MTRF1: variants seen among roughly 807,000 people sequenced by gnomAD.
MTRF1 encodes peptide chain release factor 1, mitochondrial.
A neutral mutation model predicts 62.9 loss-of-function variants in MTRF1; 51 were observed. The observed-to-expected ratio is 0.81, with a 90% CI of 0.65 to 1.02. The LOEUF is 1.02. Among genes scored for constraint, MTRF1 ranks in the 50% least tolerant of loss-of-function variants. The pLI is 0.00. For synonymous variants in MTRF1, 158 were observed against 181.9 expected (o/e 0.87, Z 1.06); for missense variants, 446 against 530.0 (o/e 0.84, Z 1.56).
the MTRF1 span, among the ~76,000 whole-genome samples, chr13:41,274,529 A>G: frequency 1.3e-5 from 2 of 152,156 alleles, no homozygotes; most frequent in Admixed American, 1.3e-4. Context: ...ACATATAAGT[A>G]CACCATAAGG....
At chr13:41,275,047 T>C in the MTRF1 span, among the ~76,000 whole-genome samples, 2 of 152,220 alleles carry the variant, frequency 1.3e-5, no homozygotes, top group African/African-American at 4.8e-5. Flanking sequence ...AAATGTCAAA[T>C]CCTAGAAAAC....
chr13:41,293,554 T>C, the MTRF1 span, among the ~76,000 whole-genome samples: 1 of 152,200 alleles, frequency 6.6e-6, no homozygotes, highest in African/African-American at 2.4e-5. Flanking sequence ...ACTAATTTAA[T>C]GTTACAGCCG....
Position 41,216,756 on chromosome 13 carries a change from T to G in MTRF1, c.*359A>C, listed in dbSNP as rs2031988387. 1 of 154,084 alleles carries G rather than the reference T, an allele frequency of 6.5e-6. No individual in the cohort carries two copies. 9.5% of individuals were successfully genotyped at this position (154,084 alleles called of 1,614,324 possible). ...ATATTTTACTAAATTTTACCATATTTTCCTGAAGTAGTAGATTAAAAATAT... is the reference window on the plus strand; with the variant it reads ...ATATTTTACTAAATTTTACCATATTGTCCTGAAGTAGTAGATTAAAAATAT... On this transcript the variant is annotated 3_prime_UTR_variant, in exon 10 of 10. Transcript: ENST00000379480.
chr13:41,279,910 G>A, the MTRF1 span, among the ~76,000 whole-genome samples: 1 of 151,968 alleles, frequency 6.6e-6, no homozygotes, highest in African/African-American at 2.4e-5. Flanking sequence ...AGATTTCTCT[G>A]CAAAGTAAAA....
intron 2 of MTRF1, among the ~76,000 whole-genome samples, chr13:41,259,712 A>AAAAAAAACAACAACAAAAAAAAAC (rs1555268028): frequency 7.3e-6 from 1 of 136,714 alleles, no homozygotes; most frequent in African/African-American, 2.8e-5. Flanking sequence ...AAAAAAAAAA[A>AAAAAAAACAACAACAAAAAAAAAC]AAAAAAAAAC....
In MTRF1 at chr13:41,240,093, G is replaced by C. The variant is rs571719392; in HGVS notation, c.870+168C>G. On this transcript the variant is annotated intron_variant, in intron 6 of 9. Transcript: ENST00000379480. ...CAGGAGAATTGTTTGAACCAGGGAG[G>C]TGGAGGTTGCAGTGAGCAGAGATCG... Among the ~76,000 whole-genome samples the C allele has an allele frequency of 2.8e-4, 42 of 152,116 alleles. No homozygotes were observed. In the Middle Eastern group the frequency reaches 0.01, roughly 37 times the overall value.
chr13:41,247,145 TAC>T (rs1310711217), intron 5 of MTRF1, among the ~76,000 whole-genome samples: 2 of 152,344 alleles, frequency 1.3e-5, no homozygotes, highest in Non-Finnish European at 2.9e-5. Context: ...GAACATTTCG[TAC>T]AGTGTTGACA....
At chr13:41,281,148 C>T in the MTRF1 span, among the ~76,000 whole-genome samples, 4 of 152,268 alleles carry the variant, frequency 2.6e-5, no homozygotes, top group Non-Finnish European at 4.4e-5. Context: ...CTCAGGAAGG[C>T]GTGTAAGCCA....
intron 2 of MTRF1, among the ~76,000 whole-genome samples, chr13:41,259,934 G>C (rs1016215450): frequency 1.3e-5 from 2 of 152,096 alleles, no homozygotes; most frequent in Admixed American, 1.3e-4. Context: ...TGATGGGGTA[G>C]GAACTGTATG....
the MTRF1 span, among the ~76,000 whole-genome samples, chr13:41,297,243 CA>C: frequency 2.0e-5 from 3 of 152,202 alleles, no homozygotes; most frequent in Non-Finnish European, 4.4e-5. Context: ...AACACTTCCA[CA>C]GTACATCTCC....
intron 2 of MTRF1, among the ~76,000 whole-genome samples, chr13:41,257,420 A>C (rs976849861): frequency 6.6e-6 from 1 of 152,220 alleles, no homozygotes; most frequent in African/African-American, 2.4e-5. Flanking sequence ...TGCAAGCTAC[A>C]TCACAAAGGT....
the MTRF1 span, among the ~76,000 whole-genome samples, chr13:41,283,528 A>T: frequency 1.4e-5 from 2 of 147,298 alleles, no homozygotes; most frequent in Non-Finnish European, 3.0e-5. Context: ...CAAATAGAGA[A>T]TTTGTTCATA....
At chr13:41,226,655 T>G in intron 7 of MTRF1, 87 bp from the exon 8 acceptor site, 2 of 1,446,348 alleles carry the variant, frequency 1.4e-6, no homozygotes, top group Admixed American at 3.8e-5. Context: ...GACAGGTTAA[T>G]CAGGAAAAGA....
At chr13:41,282,217 G>A in the MTRF1 span, among the ~76,000 whole-genome samples, 18 of 151,776 alleles carry the variant, frequency 1.2e-4, no homozygotes, top group Admixed American at 1.1e-3. Flanking sequence ...GGCTAATGGC[G>A]ATTGCAGAAG....
chr13:41,290,089 CTTTTT>C, the MTRF1 span, among the ~76,000 whole-genome samples: 1 of 78,514 alleles, frequency 1.3e-5, no homozygotes, highest in South Asian at 4.7e-4. Flanking sequence ...TGTAATAGTT[CTTTTT>C]TTTTTTTTTT....
At chr13:41,300,357 C>T in the MTRF1 span, among the ~76,000 whole-genome samples, 40 of 152,086 alleles carry the variant, frequency 2.6e-4, no homozygotes, top group Non-Finnish European at 4.1e-4. Flanking sequence ...GAGGCCGAGG[C>T]GGGCGGATCA....
upstream of MTRF1, among the ~76,000 whole-genome samples, chr13:41,264,168 A>G (rs913966571): frequency 2.6e-5 from 4 of 152,368 alleles, no homozygotes; most frequent in Admixed American, 6.5e-5. Context: ...TTCAGCTTCC[A>G]TTGCTTCAGA....
chr13:41,277,489 C>T, the MTRF1 span, among the ~76,000 whole-genome samples: 3 of 152,192 alleles, frequency 2.0e-5, no homozygotes, highest in East Asian at 5.8e-4. Flanking sequence ...CAGGAAGAAC[C>T]CATCAGGTGG....
At chr13:41,279,861 T>C in the MTRF1 span, among the ~76,000 whole-genome samples, 1 of 152,166 alleles carries the variant, frequency 6.6e-6, no homozygotes, top group Non-Finnish European at 1.5e-5. Flanking sequence ...ATAAGAAACA[T>C]TTTACAATCT....
Sources: gnomAD v4.1 joint callset for allele counts (sites outside exome capture counted in the v4.1 genomes callset) on GRCh38, gnomAD v4.1.1 for gene constraint, MANE v1.5 for transcripts, NCBI Gene and HGNC (gene_info 2026-07-23, HGNC 2026-07-21) for gene names.